The following MED28 variants were observed in gnomAD, a reference collection of about 807,000 sequenced individuals.
MED28 encodes mediator of RNA polymerase II transcription subunit 28.
In MED28, 26 loss-of-function variants were observed where a neutral mutation model predicts 21.3. The observed-to-expected ratio is 1.22, with a 90% confidence interval of 0.89 to 1.69. MED28 has a LOEUF of 1.69. Among genes scored for constraint, MED28 ranks in the 40% most tolerant of loss-of-function variants. The probability of loss-of-function intolerance (pLI) is 0.00; values close to 1 mark genes in which losing one functional copy is unlikely to be tolerated. For synonymous variants in MED28, 110 were observed against 87.6 expected, an observed-to-expected ratio of 1.26 and a Z score of -1.43; for missense variants, 257 against 215.4, an observed-to-expected ratio of 1.19 and a Z score of -1.21.
chr4:17,621,738 C>A, intron 3 of MED28, 39 bp downstream of exon 3: 1 of 1,311,642 alleles, frequency 7.6e-7, no homozygotes, highest in Non-Finnish European at 1.1e-6. Flanking sequence ...ATAGGAAGAA[C>A]TAAGTGGTGC....
At position 17,630,644 on chromosome 4, in the gene MED28, G is replaced by T. The variant is rs566133834; in HGVS notation, c.*6846G>T. The stretch of plus-strand genomic sequence containing the variant: ...GCGGGAAACTCACAAAAAATATTTG[G>T]TAGTGAAAAACAGTATGGTGTGTTA... On this transcript the variant is annotated 3_prime_UTR_variant, in exon 4 of 4. Transcript: ENST00000237380. 6.6e-6 allele frequency: 1 copy of T among 152,308 alleles called. No individual in the cohort carries two copies. Among genetic ancestry groups the T allele is most frequent in the South Asian group, 2.1e-4 (1 of 4,828 alleles). 9.4% of individuals were successfully genotyped at this position (152,308 alleles called of 1,614,324 possible).
rs1560155459 is a variant in MED28 at position 17,614,666 on chromosome 4, AC to A, written c.13del (p.Leu5Ter). On this transcript the variant is annotated frameshift_variant, in exon 1 of 4. Coordinates refer to ENST00000237380, the MANE Select transcript of MED28 (RefSeq NM_025205.5). LOFTEE classifies it high-confidence loss of function. MAAPLGGMFSGQPPG... is the reference protein window; with the variant it reads MAAPXGGMFSGQPPG... Reference sequence around the variant, plus strand: ...GCGCCATTCCAAACATGGCGGCTCCACTAGGGGGTATGTTTTCTGGGCAGCC... The same window carrying A: ...GCGCCATTCCAAACATGGCGGCTCCATAGGGGGTATGTTTTCTGGGCAGCC... 6 of 1,610,882 alleles carry A rather than the reference AC, an allele frequency of 3.7e-6. No homozygotes were observed. The highest frequency in any genetic ancestry group is 5.1e-6 in the Non-Finnish European group (6 of 1,179,102).
At position 17,631,496 on chromosome 4, in the gene MED28, C is replaced by G. The variant is rs917410379; in HGVS notation, c.*7698C>G. 3.3e-5 allele frequency: 5 copies of G among 152,170 alleles called. No individual in the cohort carries two copies. The highest frequency in any genetic ancestry group is 4.8e-5 in the African/African-American group (2 of 41,426). The allele number at this position is 152,170 out of a possible 1,614,324, so 9.4% of individuals were successfully genotyped here. A position where few individuals can be genotyped will look rare whatever the true frequency, so the allele number is the denominator to read the frequency against. ...TCTTTGACTTCAAAGAACAGATAAT[C>G]TAGAGACCTTCACAAGTGATCATGT... On this transcript the variant is annotated 3_prime_UTR_variant, in exon 4 of 4. Coordinates refer to ENST00000237380, the MANE Select transcript of MED28 (RefSeq NM_025205.5).
chr4:17,627,161 T>A lies in MED28; in HGVS notation c.*3363T>A, dbSNP rs996574810. ...TTAGTAGAGATGGGGTTTCACCATG[T>A]TGGTCAGGATGGTCTCAATCTGACC... On this transcript the variant is annotated 3_prime_UTR_variant, in exon 4 of 4. Transcript: ENST00000237380. 9.2e-5 allele frequency: 14 copies of A among 152,200 alleles called. No homozygotes were observed. The highest frequency in any genetic ancestry group is 7.2e-4 in the Admixed American group (11 of 15,272). 9.4% of individuals were successfully genotyped at this position (152,200 alleles called of 1,614,324 possible).
Position 17,622,983 on chromosome 4 carries a change from A to G in MED28, c.340-618A>G, listed in dbSNP as rs922453913. Among the ~76,000 whole-genome samples the G allele has an allele frequency of 2.6e-5, 4 of 152,212 alleles. No individual in the cohort carries two copies. The South Asian group carries it at 6.2e-4, about 24-fold the overall frequency. ...TCTCACCAGGTTCCTCCCTCGACAC[A>G]TGGGAATTGTAGGAGTTACAATTCA... On this transcript the variant is annotated intron_variant, in intron 3 of 3. Transcript: ENST00000237380.
rs184137464 is a variant in MED28, at chr4:17,625,792, C to T, written c.*1994C>T. The T allele has an allele frequency of 2.1e-4, 78 of 379,400 alleles. No individual in the cohort carries two copies. The highest frequency in any genetic ancestry group is 1.6e-3 in the African/African-American group (77 of 47,408). The allele number at this position is 379,400 out of a possible 1,614,324, so 23.5% of individuals were successfully genotyped here. ...CCCTCTGCCAAGCACTGCTCTGGTA[C>T]TGGGGAGTGGAGTATTATGTCTTGG... On this transcript the variant is annotated 3_prime_UTR_variant, in exon 4 of 4. Coordinates refer to ENST00000237380, the MANE Select transcript of MED28 (RefSeq NM_025205.5).
intron 1 of MED28, among the ~76,000 whole-genome samples, chr4:17,617,151 G>T (rs1714475252): frequency 1.3e-5 from 2 of 152,200 alleles, no homozygotes; most frequent in South Asian, 4.1e-4. Flanking sequence ...AGGGGAGTGG[G>T]AGTGGTGCGA....
intron 3 of MED28, among the ~76,000 whole-genome samples, chr4:17,622,766 C>T (rs1714671058): frequency 2.0e-5 from 3 of 152,176 alleles, no homozygotes; most frequent in African/African-American, 7.2e-5. Context: ...GTTTGATGGA[C>T]TTACAGTTCC....
chr4:17,621,502 T>C (rs1159627922), intron 2 of MED28, 85 bp from the exon 3 acceptor site: 1 of 939,796 alleles, frequency 1.1e-6, no homozygotes, highest in Admixed American at 3.2e-5. Context: ...GGCTTTGTTT[T>C]TACATTCTGA....
intron 2 of MED28, 39 bp from the exon 3 acceptor site, chr4:17,621,547 GT>G: frequency 7.3e-7 from 1 of 1,377,708 alleles, no homozygotes; most frequent in Non-Finnish European, 1.0e-6. Flanking sequence ...TGAGTCTGTT[GT>G]TTTTCTTATT....
intron 3 of MED28, among the ~76,000 whole-genome samples, chr4:17,623,227 C>T (rs545010832): frequency 2.1e-3 from 326 of 152,008 alleles, no homozygotes; most frequent in African/African-American, 7.5e-3. Flanking sequence ...ATGGCAAAAC[C>T]GCATCTCTAC....
At position 17,628,851 on chromosome 4, in the gene MED28, C is replaced by T; in HGVS notation, c.*5053C>T. 1 of 152,488 alleles carries T rather than the reference C, an allele frequency of 6.6e-6. No homozygotes were observed. Among genetic ancestry groups the T allele is most frequent in the East Asian group, 1.9e-4 (1 of 5,180 alleles). 9.4% of individuals were successfully genotyped at this position (152,488 alleles called of 1,614,324 possible). ...TGCTGAGGATTCCACCAGTGGTACC[C>T]TGGGAAAATATCCCTGTGGAGGGGA... On this transcript the variant is annotated 3_prime_UTR_variant, in exon 4 of 4. Coordinates refer to ENST00000237380, the MANE Select transcript of MED28 (RefSeq NM_025205.5).
chr4:17,623,412 A>AG (rs1714689423), intron 3 of MED28, among the ~76,000 whole-genome samples, 189 bp from the exon 4 acceptor site: 1 of 151,842 alleles, frequency 6.6e-6, no homozygotes, highest in African/African-American at 2.4e-5. Context: ...AAAAAAAAAA[A>AG]AAAGCCCATA....
At position 17,633,995 on chromosome 4, in the gene MED28, A is replaced by C. The variant is rs939451197; in HGVS notation, c.*10197A>C. The C allele has an allele frequency of 6.7e-6, 6 of 891,872 alleles. No individual in the cohort carries two copies. The highest frequency in any genetic ancestry group is 6.0e-5 in the South Asian group (2 of 33,570). The allele number at this position is 891,872 out of a possible 1,614,324, so 55.2% of individuals were successfully genotyped here. ...CCCAATCAAAATTGTATCGGAGAAG[A>C]AGCAACAATTTCATTTATACACTTA... On this transcript the variant is annotated 3_prime_UTR_variant, in exon 4 of 4. Transcript: ENST00000237380.
At position 17,633,655 on chromosome 4, in the gene MED28, G is replaced by C; in HGVS notation, c.*9857G>C. 2.1e-6 allele frequency: 3 copies of C among 1,453,172 alleles called. No homozygotes were observed. Among genetic ancestry groups the C allele is most frequent in the Non-Finnish European group, 2.7e-6 (3 of 1,096,816 alleles). The allele number at this position is 1,453,172 out of a possible 1,614,324, so 90.0% of individuals were successfully genotyped here. ...TTCCCCTCTTATCTACAGGGAAATA[G>C]AATAAGGGCCCCTGTCCCCAACATC... On this transcript the variant is annotated 3_prime_UTR_variant, in exon 4 of 4. Coordinates refer to ENST00000237380, the MANE Select transcript of MED28 (RefSeq NM_025205.5).
At chr4:17,619,300 T>C (rs920127378) in intron 1 of MED28, among the ~76,000 whole-genome samples, 13 of 152,232 alleles carry the variant, frequency 8.5e-5, no homozygotes, top group African/African-American at 2.9e-4. Flanking sequence ...GTCAGTAATA[T>C]GTGTTATTAA....
chr4:17,614,893 C>T lies in MED28; in HGVS notation c.159+80C>T, dbSNP rs973279207. On this transcript the variant is annotated intron_variant, in intron 1 of 3. Transcript: ENST00000237380. ...GAACTGCGCGTACGCGTATCTCCTC[C>T]AGGGATCCGAGCAACTAATTCACAA... The T allele has an allele frequency of 4.1e-6, 6 of 1,466,800 alleles. No homozygotes were observed. In the Admixed American group the frequency reaches 1.4e-4, roughly 33 times the overall value. The allele number at this position is 1,466,800 out of a possible 1,614,324, so 90.9% of individuals were successfully genotyped here. A position where few individuals can be genotyped will look rare whatever the true frequency, so the allele number is the denominator to read the frequency against.
In MED28 at chr4:17,624,036, A is replaced by G; in HGVS notation, c.*238A>G. On this transcript the variant is annotated 3_prime_UTR_variant, in exon 4 of 4. Coordinates refer to ENST00000237380, the MANE Select transcript of MED28 (RefSeq NM_025205.5). ...AAGTATTTTTTTTTTGTCTTTAGCAAAGTTTAGACTGTGAATATGATGACA... is the reference window on the plus strand; with the variant it reads ...AAGTATTTTTTTTTTGTCTTTAGCAGAGTTTAGACTGTGAATATGATGACA... 2.0e-6 allele frequency: 1 copy of G among 512,504 alleles called. No homozygotes were observed. Among genetic ancestry groups the G allele is most frequent in the Non-Finnish European group, 3.5e-6 (1 of 285,792 alleles). The allele number at this position is 512,504 out of a possible 1,614,324, so 31.7% of individuals were successfully genotyped here. A position where few individuals can be genotyped will look rare whatever the true frequency, so the allele number is the denominator to read the frequency against.
Position 17,625,889 on chromosome 4 carries a change from C to T in MED28, c.*2091C>T. 1 of 191,532 alleles carries T rather than the reference C, an allele frequency of 5.2e-6. No homozygotes were observed. The highest frequency in any genetic ancestry group is 6.6e-4 in the Middle Eastern group (1 of 1,508). 11.9% of individuals were successfully genotyped at this position (191,532 alleles called of 1,614,324 possible). A position where few individuals can be genotyped will look rare whatever the true frequency, so the allele number is the denominator to read the frequency against. On this transcript the variant is annotated 3_prime_UTR_variant, in exon 4 of 4. Transcript: ENST00000237380. ...TGGTGCTTGACCTTAGGTCTGCCCACAGGCTTCAGGCTTTCAACTTTGAAA... is the reference window on the plus strand; with the variant it reads ...TGGTGCTTGACCTTAGGTCTGCCCATAGGCTTCAGGCTTTCAACTTTGAAA...
Sources: allele counts gnomAD v4.1 joint callset (sites outside exome capture counted in the v4.1 genomes callset), GRCh38; gene constraint gnomAD v4.1.1; transcripts MANE v1.5; gene names NCBI Gene and HGNC (gene_info 2026-07-23, HGNC 2026-07-21).